The following RNGTT variants were observed in gnomAD, a reference collection of about 807,000 sequenced individuals.
RNGTT encodes mRNA-capping enzyme.
In RNGTT, 33 loss-of-function variants were observed where a neutral mutation model predicts 79.3. The observed-to-expected ratio is 0.42, with a 90% confidence interval of 0.32 to 0.56. The LOEUF (loss-of-function observed/expected upper bound fraction) is 0.56, where lower values mean the gene tolerates loss of function less well. RNGTT is among the 20% of genes least tolerant of loss of function. RNGTT has a pLI of 0.17. For synonymous variants in RNGTT, 222 were observed against 235.9 expected (o/e 0.94, Z 0.54); for missense variants, 497 against 739.1 (o/e 0.67, Z 3.80).
At chr6:88,731,947 A>G (rs1016353373) in intron 13 of RNGTT, among the ~76,000 whole-genome samples, 6 of 152,334 alleles carry the variant, frequency 3.9e-5, no homozygotes, top group East Asian at 3.9e-4. Context: ...TTAAAAAATC[A>G]TAAGGAAGAG....
intron 13 of RNGTT, among the ~76,000 whole-genome samples, chr6:88,705,849 C>T (rs950196384): frequency 1.3e-5 from 2 of 152,056 alleles, no homozygotes; most frequent in African/African-American, 4.8e-5. Context: ...AAACTCAGAG[C>T]CTCCTTTCAC....
At chr6:88,807,897 C>T (rs1355420298) in intron 11 of RNGTT, among the ~76,000 whole-genome samples, 1 of 152,132 alleles carries the variant, frequency 6.6e-6, no homozygotes, top group Non-Finnish European at 1.5e-5. Context: ...AATGAAACCT[C>T]ACCTTTAACA....
At chr6:88,742,541 T>G (rs1172568288) in intron 13 of RNGTT, among the ~76,000 whole-genome samples, 1 of 152,162 alleles carries the variant, frequency 6.6e-6, no homozygotes, top group African/African-American at 2.4e-5. Flanking sequence ...AAAGGAAAAG[T>G]TGCGAGACTA....
At chr6:88,841,132 C>G (rs1781272413) in intron 11 of RNGTT, among the ~76,000 whole-genome samples, 1 of 152,136 alleles carries the variant, frequency 6.6e-6, no homozygotes, top group Non-Finnish European at 1.5e-5. Context: ...TATCTTTACC[C>G]AACCTATTGG....
chr6:88,669,436 T>C (rs1305485628), intron 14 of RNGTT, among the ~76,000 whole-genome samples: 1 of 152,200 alleles, frequency 6.6e-6, no homozygotes, highest in Admixed American at 6.5e-5. Context: ...CTTTTGGGTC[T>C]TAAAAACCTC....
intron 13 of RNGTT, among the ~76,000 whole-genome samples, chr6:88,680,121 G>A (rs1436876060): frequency 1.3e-5 from 2 of 152,038 alleles, no homozygotes; most frequent in Admixed American, 6.5e-5. Context: ...AAAGTTCTCG[G>A]CATGCCATAC....
chr6:88,912,839 A>T (rs2074354175), intron 4 of RNGTT, among the ~76,000 whole-genome samples: 1 of 152,176 alleles, frequency 6.6e-6, no homozygotes. Context: ...CTGAAGAAGG[A>T]AGAAACTGAA....
At chr6:88,865,590 T>C (rs1253405615) in intron 8 of RNGTT, among the ~76,000 whole-genome samples, 4 of 152,130 alleles carry the variant, frequency 2.6e-5, no homozygotes, top group Non-Finnish European at 5.9e-5. Flanking sequence ...GTTCCTTAAT[T>C]CATTTTTCTA....
rs76871282 is a variant in RNGTT, at chr6:88,770,248, C to T, written c.1339-374G>A. Among the ~76,000 whole-genome samples the T allele has an allele frequency of 1.1e-4, 16 of 152,130 alleles. No homozygotes were observed. In the East Asian group the frequency reaches 2.7e-3, roughly 26 times the overall value. ...AAATCTTGACAAATATATACAGTTA[C>T]GTAACCATGACCAAAATCATGATAT... is the stretch of plus-strand genomic sequence containing the variant. On this transcript the variant is annotated intron_variant, in intron 12 of 15. Transcript: ENST00000369485.
intron 8 of RNGTT, among the ~76,000 whole-genome samples, chr6:88,880,187 AATG>A (rs1782651512): frequency 2.3e-5 from 3 of 133,076 alleles, no homozygotes; most frequent in African/African-American, 7.8e-5. Flanking sequence ...TGAATGAATG[AATG>A]AATGAATGAA....
At chr6:88,768,949 C>T (rs1778557004) in intron 13 of RNGTT, among the ~76,000 whole-genome samples, 2 of 152,090 alleles carry the variant, frequency 1.3e-5, no homozygotes, top group African/African-American at 4.8e-5. Flanking sequence ...ACTTACCCTA[C>T]AAAAGTATAG....
At chr6:88,642,085 A>G (rs1468716027) in intron 14 of RNGTT, among the ~76,000 whole-genome samples, 4 of 152,166 alleles carry the variant, frequency 2.6e-5, no homozygotes, top group Non-Finnish European at 5.9e-5. Context: ...TCAAAGTACT[A>G]TATCTTTCTC....
intron 6 of RNGTT, among the ~76,000 whole-genome samples, chr6:88,901,603 T>A (rs1192883094): frequency 3.6e-5 from 5 of 140,142 alleles, no homozygotes; most frequent in Non-Finnish European, 6.0e-5. Flanking sequence ...GCCTCCCGGG[T>A]TCAAGCCATT....
rs138387444 is a variant in RNGTT at position 88,719,338 on chromosome 6, A to G, written c.1440-40919T>C. On this transcript the variant is annotated intron_variant, in intron 13 of 15. Coordinates refer to ENST00000369485, the MANE Select transcript of RNGTT (RefSeq NM_003800.5). Reference sequence around the variant, plus strand: ...GAATTCAGTTATCTGCTATTCTTAAACAAATGTGGACTTTTTTATTCCTTC... The same window carrying G: ...GAATTCAGTTATCTGCTATTCTTAAGCAAATGTGGACTTTTTTATTCCTTC... 4.5e-3 allele frequency among the ~76,000 whole-genome samples: 693 copies of G among 152,326 alleles called. 3 individuals carry two copies. Among genetic ancestry groups the G allele is most frequent in the Non-Finnish European group, 8.4e-3 (571 of 68,020 alleles).
intron 4 of RNGTT, among the ~76,000 whole-genome samples, chr6:88,925,210 A>G (rs1436843559): frequency 2.0e-5 from 3 of 152,160 alleles, no homozygotes; most frequent in Non-Finnish European, 4.4e-5. Context: ...TAGATGCATG[A>G]CCATGGGCGA....
At chr6:88,742,664 G>T (rs1777532331) in intron 13 of RNGTT, among the ~76,000 whole-genome samples, 1 of 152,098 alleles carries the variant, frequency 6.6e-6, no homozygotes, top group Admixed American at 6.6e-5. Context: ...GTTAGTCCCA[G>T]GTAGGAGAGA....
At chr6:88,684,798 A>G (rs1170192206) in intron 13 of RNGTT, among the ~76,000 whole-genome samples, 1 of 152,144 alleles carries the variant, frequency 6.6e-6, no homozygotes, top group African/African-American at 2.4e-5. Context: ...TTACATGTCA[A>G]CATAGGTTCA....
chr6:88,813,659 C>G (rs1780215577), intron 11 of RNGTT, among the ~76,000 whole-genome samples: 1 of 152,124 alleles, frequency 6.6e-6, no homozygotes, highest in Non-Finnish European at 1.5e-5. Flanking sequence ...GGTTACACAG[C>G]AAGAAACTGA....
intron 4 of RNGTT, among the ~76,000 whole-genome samples, chr6:88,917,602 G>A (rs75083719): frequency 0.022 from 3,331 of 152,210 alleles, 123 homozygotes; most frequent in African/African-American, 0.076. Context: ...CCACTCCCAC[G>A]GCTGATTATA....
Sources: allele counts gnomAD v4.1 joint callset (sites outside exome capture counted in the v4.1 genomes callset), GRCh38; gene constraint gnomAD v4.1.1; transcripts MANE v1.5; gene names NCBI Gene and HGNC (gene_info 2026-07-23, HGNC 2026-07-21).